GPC5: variants seen among roughly 807,000 people sequenced by gnomAD.
The protein encoded by GPC5 is glypican 5.
GPC5 carries 47 observed loss-of-function variants against 53.9 expected under a neutral mutation model. The ratio of observed to expected loss-of-function variants is 0.87; its 90% CI spans 0.69 to 1.11. The LOEUF (loss-of-function observed/expected upper bound fraction) is 1.11, where lower values mean the gene tolerates loss of function less well. Among genes scored for constraint, GPC5 ranks in the 50% most tolerant of loss-of-function variants. GPC5 has a pLI of 0.00. For missense variants in GPC5, 748 were observed against 713.1 expected (o/e 1.05, Z -0.56); for synonymous variants, 286 against 263.3 (o/e 1.09, Z -0.84).
chr13:91,466,729 A>G (rs3858831), intron 2 of GPC5, among the ~76,000 whole-genome samples: 68,103 of 151,822 alleles, frequency 0.45, 16,044 homozygotes, highest in Non-Finnish European at 0.53. Context: ...ATGGAGTGGG[A>G]CTGGGGAGAG....
intron 5 of GPC5, among the ~76,000 whole-genome samples, chr13:91,797,965 C>T (rs2989992): frequency 0.37 from 56,072 of 151,608 alleles, 11,881 homozygotes; most frequent in African/African-American, 0.59. Flanking sequence ...CATTGTTGGG[C>T]GCAGAGTAAA....
At chr13:92,666,450 A>G (rs986596431) in intron 7 of GPC5, among the ~76,000 whole-genome samples, 11 of 152,188 alleles carry the variant, frequency 7.2e-5, no homozygotes, top group African/African-American at 2.7e-4. Context: ...TTTTCATAAT[A>G]TAACAAACCA....
At chr13:92,312,597 G>T (rs1219556186) in intron 7 of GPC5, among the ~76,000 whole-genome samples, 2 of 151,950 alleles carry the variant, frequency 1.3e-5, no homozygotes, top group Non-Finnish European at 2.9e-5. Flanking sequence ...ATTAATAGTT[G>T]AATGAAATCC....
chr13:92,184,341 G>A (rs2042168119), intron 7 of GPC5, among the ~76,000 whole-genome samples: 2 of 152,090 alleles, frequency 1.3e-5, no homozygotes, highest in African/African-American at 4.8e-5. Flanking sequence ...AGAGTCAGGA[G>A]AGCACACAAA....
intron 2 of GPC5, among the ~76,000 whole-genome samples, chr13:91,616,088 A>T (rs1761280169): frequency 6.6e-6 from 1 of 152,148 alleles, no homozygotes; most frequent in African/African-American, 2.4e-5. Context: ...GCTTGTATTA[A>T]TCTGCTGGTA....
At chr13:92,664,354 A>AT (rs34073544) in intron 7 of GPC5, among the ~76,000 whole-genome samples, 2,783 of 144,214 alleles carry the variant, frequency 0.019, 89 homozygotes, top group African/African-American at 0.063. Flanking sequence ...AATCCAATAG[A>AT]TTTTTTTTTT....
intron 7 of GPC5, among the ~76,000 whole-genome samples, chr13:92,829,658 A>T (rs1877982414): frequency 6.6e-6 from 1 of 152,154 alleles, no homozygotes; most frequent in Admixed American, 6.6e-5. Flanking sequence ...ATCTTTGAGA[A>T]ATTAATGCAA....
intron 6 of GPC5, among the ~76,000 whole-genome samples, chr13:91,934,928 C>A (rs142857948): frequency 6.6e-5 from 10 of 151,870 alleles, no homozygotes; most frequent in Non-Finnish European, 1.0e-4. Context: ...ATAATAGATA[C>A]GCATAATAGA....
At chr13:91,573,461 C>T (rs570362025) in intron 2 of GPC5, among the ~76,000 whole-genome samples, 64 of 152,200 alleles carry the variant, frequency 4.2e-4, no homozygotes, top group Non-Finnish European at 7.6e-4. Context: ...ATGCGTATTA[C>T]AAAGTAATGA....
At chr13:92,153,887 A>G (rs182171023) in intron 7 of GPC5, among the ~76,000 whole-genome samples, 1 of 152,302 alleles carries the variant, frequency 6.6e-6, no homozygotes, top group African/African-American at 2.4e-5. Flanking sequence ...GTATATGACA[A>G]ATTTTTGCTT....
chr13:91,418,286 G>A (rs1289407188), intron 1 of GPC5, among the ~76,000 whole-genome samples: 3 of 152,104 alleles, frequency 2.0e-5, no homozygotes, highest in East Asian at 3.9e-4. Context: ...TGAGAACTGG[G>A]GAGTAAATTG....
At chr13:91,624,522 A>G (rs188721481) in intron 2 of GPC5, among the ~76,000 whole-genome samples, 1 of 152,248 alleles carries the variant, frequency 6.6e-6, no homozygotes, top group Admixed American at 6.5e-5. Context: ...AAGACATAGA[A>G]GATTCAGATT....
intron 7 of GPC5, among the ~76,000 whole-genome samples, chr13:92,633,080 G>T (rs866084093): frequency 3.3e-5 from 5 of 151,982 alleles, no homozygotes; most frequent in Non-Finnish European, 7.4e-5. Flanking sequence ...TAGTAAAGAC[G>T]GGGTTTCACC....
intron 5 of GPC5, among the ~76,000 whole-genome samples, chr13:91,904,140 C>CTTTTTTTTTTTTTT (rs57293387): frequency 2.7e-4 from 26 of 94,550 alleles, no homozygotes; most frequent in East Asian, 6.6e-4. Context: ...TCTTTTCTTT[C>CTTTTTTTTTTTTTT]TTTTTTTTTT....
At chr13:92,792,343 T>A (rs915367317) in intron 7 of GPC5, among the ~76,000 whole-genome samples, 1 of 152,068 alleles carries the variant, frequency 6.6e-6, no homozygotes, top group African/African-American at 2.4e-5. Flanking sequence ...ATACTTTACA[T>A]ACAAGCAAAT....
intron 7 of GPC5, among the ~76,000 whole-genome samples, chr13:92,578,455 A>G (rs1245330480): frequency 1.3e-5 from 2 of 152,114 alleles, no homozygotes; most frequent in Non-Finnish European, 2.9e-5. Flanking sequence ...CCTTATGGAA[A>G]TTGGCTCACC....
chr13:92,701,245 A>AAAT (rs1386324590), intron 7 of GPC5: 1 of 152,122 alleles, frequency 6.6e-6, no homozygotes, highest in Non-Finnish European at 1.5e-5. Flanking sequence ...TCATACAAAG[A>AAAT]AATAACCCTG....
intron 7 of GPC5, among the ~76,000 whole-genome samples, chr13:92,242,895 TTA>T (rs547505956): frequency 5.5e-4 from 84 of 152,314 alleles, no homozygotes; most frequent in Admixed American, 2.0e-3. Flanking sequence ...CTATAGGATT[TTA>T]TGTGTCTAAT....
chr13:92,228,148 G>A (rs765752071), intron 7 of GPC5, among the ~76,000 whole-genome samples: 26 of 150,892 alleles, frequency 1.7e-4, no homozygotes, highest in Non-Finnish European at 3.7e-4. Context: ...CATAAGAGAT[G>A]GAGAAGATGG....
Sources: allele counts gnomAD v4.1 joint callset (sites outside exome capture counted in the v4.1 genomes callset), GRCh38; gene constraint gnomAD v4.1.1; transcripts MANE v1.5; gene names NCBI Gene and HGNC (gene_info 2026-07-23, HGNC 2026-07-21).